Variants in ZDHHC2 observed in about 807,000 individuals in gnomAD.
ZDHHC2 encodes palmitoyltransferase ZDHHC2.
Under a neutral mutation model 55.6 loss-of-function variants are expected in ZDHHC2, and 51 were observed. The ratio of observed to expected loss-of-function variants is 0.92; its 90% CI spans 0.73 to 1.16. The LOEUF (loss-of-function observed/expected upper bound fraction) is 1.16. Ranked by LOEUF, ZDHHC2 falls within the 50% of genes most tolerant of loss-of-function variation. The pLI, the probability that ZDHHC2 is intolerant of heterozygous loss-of-function variation, is 0.00. For missense variants in ZDHHC2, 491 were observed against 442.4 expected (o/e 1.11, Z -0.99); for synonymous variants, 199 against 152.9 (o/e 1.30, Z -2.22).
chr8:17,216,243 C>T (rs977298479), intron 11 of ZDHHC2, among the ~76,000 whole-genome samples: 1 of 152,056 alleles, frequency 6.6e-6, no homozygotes, highest in African/African-American at 2.4e-5. Flanking sequence ...TCAGGTAGTA[C>T]GAGAGTTTGA....
Position 17,217,062 on chromosome 8 carries a change from A to G in ZDHHC2, c.1064-110A>G, listed in dbSNP as rs1357238095. ...CTTATATATACCCTTATTATGTACA[A>G]GGCACCTTTGGAAGTCTACCAAGGG... is the stretch of plus-strand genomic sequence containing the variant. On this transcript the variant is annotated intron_variant, in intron 11 of 12. Coordinates refer to ENST00000262096, the MANE Select transcript of ZDHHC2 (RefSeq NM_016353.5). 7 of 985,512 alleles carry G rather than the reference A, an allele frequency of 7.1e-6. No homozygotes were observed. The South Asian group carries it at 7.2e-5, about 10-fold the overall frequency. The allele number at this position is 985,512 out of a possible 1,614,324, so 61.0% of individuals were successfully genotyped here.
chr8:17,224,260 T>C lies in ZDHHC2; in HGVS notation c.*4039T>C, dbSNP rs965066381. The C allele has an allele frequency of 2.0e-5, 3 of 151,720 alleles. No homozygotes were observed. The highest frequency in any genetic ancestry group is 7.2e-5 in the African/African-American group (3 of 41,412). The allele number at this position is 151,720 out of a possible 1,614,324, so 9.4% of individuals were successfully genotyped here. A position where few individuals can be genotyped will look rare whatever the true frequency, so the allele number is the denominator to read the frequency against. ...AGGGCAAAAACAAACTGGTGAAAAA[T>C]GTTCAAAAATAGATCTTTTTGATGT... On this transcript the variant is annotated 3_prime_UTR_variant, in exon 13 of 13. Transcript: ENST00000262096.
chr8:17,204,993 T>C (rs1293154743), intron 6 of ZDHHC2, among the ~76,000 whole-genome samples: 4 of 152,202 alleles, frequency 2.6e-5, no homozygotes, highest in African/African-American at 9.6e-5. Flanking sequence ...TTTGGAATTA[T>C]AGCATATTTA....
intron 1 of ZDHHC2, among the ~76,000 whole-genome samples, chr8:17,178,332 A>G (rs1805255737): frequency 6.6e-6 from 1 of 152,192 alleles, no homozygotes; most frequent in Non-Finnish European, 1.5e-5. Context: ...TTGAATTTAA[A>G]TCATTCTAGA....
intron 1 of ZDHHC2, among the ~76,000 whole-genome samples, chr8:17,158,451 C>T (rs1804174436): frequency 6.6e-6 from 1 of 152,194 alleles, no homozygotes; most frequent in Non-Finnish European, 1.5e-5. Flanking sequence ...GGTACAGTGT[C>T]TCCTGTCCAT....
intron 3 of ZDHHC2, among the ~76,000 whole-genome samples, chr8:17,194,962 C>G (rs142152003): frequency 6.6e-6 from 1 of 152,114 alleles, no homozygotes; most frequent in East Asian, 1.9e-4. Context: ...TTCTTTTTCT[C>G]AAATATTTTA....
intron 1 of ZDHHC2, among the ~76,000 whole-genome samples, chr8:17,180,374 TATAAG>T (rs1285648144): frequency 4.6e-5 from 7 of 152,188 alleles, no homozygotes; most frequent in African/African-American, 1.7e-4. Flanking sequence ...GCAATTGACT[TATAAG>T]ATAATTCAGA....
intron 1 of ZDHHC2, among the ~76,000 whole-genome samples, chr8:17,161,185 G>T (rs1474290302): frequency 2.0e-5 from 3 of 152,184 alleles, no homozygotes; most frequent in East Asian, 3.8e-4. Flanking sequence ...GCCACTGCAG[G>T]CTCAAGGATA....
intron 3 of ZDHHC2, among the ~76,000 whole-genome samples, chr8:17,191,932 A>G (rs1331581465): frequency 6.6e-6 from 1 of 152,140 alleles, no homozygotes; most frequent in Non-Finnish European, 1.5e-5. Context: ...ACAGTATACA[A>G]GGGTTCCCTT....
Position 17,195,598 on chromosome 8 carries a change from C to T in ZDHHC2, c.347C>T (p.Pro116Leu), listed in dbSNP as rs1413603392. Residue 116 changes from proline to leucine, a missense_variant, in exon 4 of 13, where the codon CCC (proline) becomes CTC (leucine). By Grantham distance (98) the Pro-to-Leu change is moderately conservative. Coordinates refer to ENST00000262096, the MANE Select transcript of ZDHHC2 (RefSeq NM_016353.5). ...EVLRRAAKDL[P>L]IYTRTMSGAI... ...CTTAGGCGAGCAGCCAAGGATCTTC[C>T]CATCTATACCAGGACCATGTCTGGA... is the stretch of plus-strand genomic sequence containing the variant. 2 of 1,613,686 alleles carry T rather than the reference C, an allele frequency of 1.2e-6. No homozygotes were observed. Among genetic ancestry groups the T allele is most frequent in the African/African-American group, 2.7e-5 (2 of 74,906 alleles).
intron 1 of ZDHHC2, among the ~76,000 whole-genome samples, chr8:17,177,772 GTGTT>G (rs1323562652): frequency 1.3e-5 from 2 of 151,734 alleles, no homozygotes; most frequent in African/African-American, 2.4e-5. Context: ...GTGTGTGTGT[GTGTT>G]TGTGTGTGTG....
Position 17,221,746 on chromosome 8 carries a change from T to C in ZDHHC2, c.*1525T>C, listed in dbSNP as rs1034216205. ...AGTTTGAGTGCAATTCTTTGAACAA[T>C]AGAAATATCTGCAGTCTTTCACAGA... On this transcript the variant is annotated 3_prime_UTR_variant, in exon 13 of 13. Coordinates refer to ENST00000262096, the MANE Select transcript of ZDHHC2 (RefSeq NM_016353.5). 2.6e-5 allele frequency: 4 copies of C among 152,514 alleles called. No individual in the cohort carries two copies. Among genetic ancestry groups the C allele is most frequent in the Non-Finnish European group, 5.9e-5 (4 of 67,928 alleles). The allele number at this position is 152,514 out of a possible 1,614,324, so 9.4% of individuals were successfully genotyped here. A position where few individuals can be genotyped will look rare whatever the true frequency, so the allele number is the denominator to read the frequency against.
Position 17,208,081 on chromosome 8 carries a change from A to T in ZDHHC2, c.719A>T (p.Lys240Ile). The T allele has an allele frequency of 6.4e-7, 1 of 1,571,864 alleles. No individual in the cohort carries two copies. The highest frequency in any genetic ancestry group is 8.6e-7 in the Non-Finnish European group (1 of 1,156,840). The change falls in exon 8 of 13, where the codon AAA becomes ATA. Residue 240 changes from lysine (K) to isoleucine (I), a missense_variant. Physicochemically the swap from Lys to Ile is moderately radical, Grantham distance 102. Coordinates refer to ENST00000262096, the MANE Select transcript of ZDHHC2 (RefSeq NM_016353.5). ...CATTGTTGGCTAGTCAGCAAAAATAAATCTACATTAGGTGAGTATCCAATT... is the reference window on the plus strand; with the variant it reads ...CATTGTTGGCTAGTCAGCAAAAATATATCTACATTAGGTGAGTATCCAATT... Reference protein sequence around the residue: ...GYHCWLVSKNKSTLEAFRSPV... With the variant: ...GYHCWLVSKNISTLEAFRSPV...
intron 1 of ZDHHC2, among the ~76,000 whole-genome samples, chr8:17,167,418 G>A (rs1354302169): frequency 4.8e-5 from 7 of 145,214 alleles, no homozygotes; most frequent in African/African-American, 1.3e-4. Flanking sequence ...TAATTCTCCC[G>A]CCTCAGCCTC....
chr8:17,208,785 T>C (rs1225956282), intron 8 of ZDHHC2, among the ~76,000 whole-genome samples: 1 of 152,212 alleles, frequency 6.6e-6, no homozygotes, highest in South Asian at 2.1e-4. Context: ...TGTTAGGCAG[T>C]TAAATTGTAA....
chr8:17,184,828 A>G lies in ZDHHC2; in HGVS notation c.157+13A>G, dbSNP rs1179794658. Reference sequence around the variant, plus strand: ...ACTGGCGAACAAGGTAAGCTAGATTATATTAATGTTATAGATTTTTTAAAT... The same window carrying G: ...ACTGGCGAACAAGGTAAGCTAGATTGTATTAATGTTATAGATTTTTTAAAT... On this transcript the variant is annotated intron_variant, in intron 2 of 12. Coordinates refer to ENST00000262096, the MANE Select transcript of ZDHHC2 (RefSeq NM_016353.5). 1.3e-6 allele frequency: 2 copies of G among 1,537,094 alleles called. No homozygotes were observed. Among genetic ancestry groups the G allele is most frequent in the Non-Finnish European group, 1.8e-6 (2 of 1,140,870 alleles).
chr8:17,178,800 T>G (rs1805284000), intron 1 of ZDHHC2, among the ~76,000 whole-genome samples: 1 of 152,226 alleles, frequency 6.6e-6, no homozygotes, highest in South Asian at 2.1e-4. Context: ...GTCTCACTCT[T>G]TAACTTCAAT....
chr8:17,205,824 ATATAGGCTTTTCAGAACAGAAT>A (rs1807073890), intron 7 of ZDHHC2, 49 bp downstream of exon 7: 1 of 1,531,550 alleles, frequency 6.5e-7, no homozygotes, highest in Non-Finnish European at 8.8e-7. Flanking sequence ...ATAATAGATA[ATATAGGCTTTTCAGAACAGAAT>A]TATTTCCGAC....
intron 6 of ZDHHC2, among the ~76,000 whole-genome samples, chr8:17,200,487 T>G (rs2904672): frequency 6.6e-6 from 1 of 152,082 alleles, no homozygotes; most frequent in Non-Finnish European, 1.5e-5. Context: ...GTAGTCATCA[T>G]AGGCATAGTG....
Sources: allele counts gnomAD v4.1 joint callset (sites outside exome capture counted in the v4.1 genomes callset), GRCh38; gene constraint gnomAD v4.1.1; transcripts MANE v1.5; gene names NCBI Gene and HGNC (gene_info 2026-07-23, HGNC 2026-07-21).